IARS1: variants seen among roughly 807,000 people sequenced by gnomAD.
The protein encoded by IARS1 is isoleucine--tRNA ligase, cytoplasmic.
Under a neutral mutation model 168.2 loss-of-function variants are expected in IARS1, and 124 were observed. That is an observed-to-expected ratio of 0.74 (90% CI 0.64 to 0.86). The LOEUF (loss-of-function observed/expected upper bound fraction) is 0.86, where lower values mean the gene tolerates loss of function less well. Among genes scored for constraint, IARS1 ranks in the 40% least tolerant of loss-of-function variants. IARS1 has a pLI of 0.00. For missense variants in IARS1, 1,452 were observed against 1,515.8 expected, an observed-to-expected ratio of 0.96 and a Z score of 0.70; for synonymous variants, 532 against 529.4, an observed-to-expected ratio of 1.00 and a Z score of -0.07.
rs761970186 is a variant in IARS1, at chr9:92,229,128, TA to T, written c.3284-3del. ...GATTTTCCAGGAGCAATACTCCACC[TA>T]AAAAGCCACAAAAATAACACCTCAA... On this transcript the variant is annotated splice_polypyrimidine_tract_variant and splice_region_variant and intron_variant, in intron 30 of 33. Transcript: ENST00000443024. 6.2e-7 allele frequency: 1 copy of T among 1,610,072 alleles called. No individual in the cohort carries two copies. Among genetic ancestry groups the T allele is most frequent in the African/African-American group, 1.3e-5 (1 of 74,622 alleles).
At chr9:92,283,319 C>T (rs1834934025) in intron 6 of IARS1, among the ~76,000 whole-genome samples, 1 of 152,146 alleles carries the variant, frequency 6.6e-6, no homozygotes, top group African/African-American at 2.4e-5. Flanking sequence ...GTTTCCCAAC[C>T]TCAGTATTAG....
chr9:92,245,151 T>C (rs1330687343), intron 26 of IARS1, 80 bp from the exon 27 acceptor site: 6 of 1,086,940 alleles, frequency 5.5e-6, no homozygotes, highest in Non-Finnish European at 8.5e-6. Flanking sequence ...ATGCCCCTTC[T>C]TGATTAAAAT....
chr9:92,289,149 G>A (rs1835915243), intron 2 of IARS1, 152 bp downstream of exon 2: 4 of 483,966 alleles, frequency 8.3e-6, no homozygotes, highest in Non-Finnish European at 1.1e-5. Context: ...AGAGGTAGCA[G>A]TGAGCAGAGA....
intron 7 of IARS1, among the ~76,000 whole-genome samples, chr9:92,279,388 G>A (rs775999517): frequency 3.3e-5 from 5 of 152,166 alleles, no homozygotes; most frequent in Non-Finnish European, 7.3e-5. Context: ...ACCACAGAAT[G>A]GCTAGTGACC....
At chr9:92,214,572 C>A (rs1281634346) in intron 33 of IARS1, among the ~76,000 whole-genome samples, 1 of 152,142 alleles carries the variant, frequency 6.6e-6, no homozygotes, top group Admixed American at 6.5e-5. Context: ...ACGCACCGTG[C>A]GCGAGCCGAA....
chr9:92,267,849 A>G (rs543682250), intron 14 of IARS1, among the ~76,000 whole-genome samples: 1 of 152,342 alleles, frequency 6.6e-6, no homozygotes, highest in Admixed American at 6.5e-5. Flanking sequence ...ATAAGCTAAT[A>G]GTATACCTTA....
At position 92,269,874 on chromosome 9, in the gene IARS1, T is replaced by G; in HGVS notation, c.1304+11A>C. 1 of 1,582,240 alleles carries G rather than the reference T, an allele frequency of 6.3e-7. No individual in the cohort carries two copies. Among genetic ancestry groups the G allele is most frequent in the Non-Finnish European group, 8.7e-7 (1 of 1,151,216 alleles). ...AAAAGACACTATGAAGAAACACATCTTACTGCTCACCAGTAGCACAGGTCA... is the reference window on the plus strand; with the variant it reads ...AAAAGACACTATGAAGAAACACATCGTACTGCTCACCAGTAGCACAGGTCA... On this transcript the variant is annotated intron_variant, in intron 13 of 33. Coordinates refer to ENST00000443024, the MANE Select transcript of IARS1 (RefSeq NM_002161.6).
chr9:92,269,857 CTA>C, intron 13 of IARS1, 26 bp downstream of exon 13: 2 of 1,469,108 alleles, frequency 1.4e-6, no homozygotes, highest in Non-Finnish European at 1.9e-6. Context: ...ACAAAAGACA[CTA>C]TGAAGAAACA....
At position 92,230,103 on chromosome 9, in the gene IARS1, ATTTCT is replaced by A. The variant is rs375878309; in HGVS notation, c.3284-982_3284-978del. ...TTGGGACTTTTTTTATTTGGCAACA[ATTTCT>A]TTTCTTTTCTTTTTTTTTTTGAGAT... is the stretch of plus-strand genomic sequence containing the variant. On this transcript the variant is annotated intron_variant, in intron 30 of 33. Transcript: ENST00000443024. 3.4e-3 allele frequency among the ~76,000 whole-genome samples: 521 copies of A among 151,382 alleles called. 4 individuals are homozygous for A. Among genetic ancestry groups the A allele is most frequent in the African/African-American group, 0.011 (443 of 41,252 alleles).
chr9:92,282,705 G>C (rs556045755), intron 6 of IARS1, among the ~76,000 whole-genome samples: 203 of 152,052 alleles, frequency 1.3e-3, no homozygotes, highest in Admixed American at 2.5e-3. Context: ...AGGAGGTCAA[G>C]GCTGCAGTGA....
chr9:92,289,312 T>C lies in IARS1; in HGVS notation c.108A>G (p.Lys36=). 3 of 1,459,332 alleles carry C rather than the reference T, an allele frequency of 2.1e-6. No individual in the cohort carries two copies. Among genetic ancestry groups the C allele is most frequent in the Non-Finnish European group, 2.9e-6 (3 of 1,045,588 alleles). 90.4% of individuals were successfully genotyped at this position (1,459,332 alleles called of 1,614,324 possible). A position where few individuals can be genotyped will look rare whatever the true frequency, so the allele number is the denominator to read the frequency against. ...AAAAATTCACATACTTTGGTTTATGTTTTGATTGCTTTAAGCATTCCTGAA... is the reference window on the plus strand; with the variant it reads ...AAAAATTCACATACTTTGGTTTATGCTTTGATTGCTTTAAGCATTCCTGAA... ...NCFQECLKQS[K]HKPKFTFYDG... The change falls in exon 2 of 34, where the codon AAA becomes AAG. Residue 36 remains lysine (K), a synonymous_variant. Coordinates refer to ENST00000443024, the MANE Select transcript of IARS1 (RefSeq NM_002161.6).
rs548290639 is a variant in IARS1, at chr9:92,277,111, CA to C, written c.894+751del. Among the ~76,000 whole-genome samples, 346 of 152,168 alleles carry C rather than the reference CA, an allele frequency of 2.3e-3. 2 individuals are homozygous for C. Among genetic ancestry groups the C allele is most frequent in the Non-Finnish European group, 3.8e-3 (257 of 68,000 alleles). Reference sequence around the variant, plus strand: ...CCCTGGGTGATATGTAGACTACATGCAATAAAAATATACACCTAAAAATCCA... The same window carrying C: ...CCCTGGGTGATATGTAGACTACATGCATAAAAATATACACCTAAAAATCCA... On this transcript the variant is annotated intron_variant, in intron 9 of 33. Transcript: ENST00000443024.
At chr9:92,236,282 CCTAT>C (rs903561326) in intron 30 of IARS1, among the ~76,000 whole-genome samples, 18 of 152,240 alleles carry the variant, frequency 1.2e-4, no homozygotes, top group Admixed American at 4.6e-4. Context: ...CCGTGCCCAG[CCTAT>C]CTTTTTTGTT....
At chr9:92,275,400 T>C (rs1167613226) in intron 9 of IARS1, among the ~76,000 whole-genome samples, 1 of 152,202 alleles carries the variant, frequency 6.6e-6, no homozygotes, top group Non-Finnish European at 1.5e-5. Context: ...TGGTTGCAAA[T>C]ACAATGTTAT....
chr9:92,285,628 A>G, intron 6 of IARS1, 94 bp downstream of exon 6: 2 of 746,574 alleles, frequency 2.7e-6, no homozygotes, highest in Non-Finnish European at 4.7e-6. Context: ...AACATTCCAC[A>G]CTGGGTCTAC....
At chr9:92,249,180 G>A (rs1306660654) in intron 25 of IARS1, among the ~76,000 whole-genome samples, 22 of 152,314 alleles carry the variant, frequency 1.4e-4, no homozygotes, top group South Asian at 2.1e-4. Flanking sequence ...CTATGCTATT[G>A]CTTCGACTTT....
chr9:92,238,834 T>C (rs574945871), intron 30 of IARS1, among the ~76,000 whole-genome samples: 8 of 152,338 alleles, frequency 5.3e-5, no homozygotes, highest in African/African-American at 1.9e-4. Context: ...CCTCGCTCCT[T>C]TGTAATTGTC....
chr9:92,287,976 A>T, intron 3 of IARS1, 66 bp from the exon 4 acceptor site: 1 of 1,587,878 alleles, frequency 6.3e-7, no homozygotes, highest in Non-Finnish European at 8.6e-7. Context: ...ATGCAACTCT[A>T]GAAAACAAAA....
intron 25 of IARS1, among the ~76,000 whole-genome samples, chr9:92,248,417 A>T (rs562634257): frequency 3.1e-4 from 47 of 152,138 alleles, no homozygotes; most frequent in Non-Finnish European, 4.1e-4. Context: ...GCAAACTTGT[A>T]ATCTTAGCAC....
Sources: allele counts gnomAD v4.1 joint callset (sites outside exome capture counted in the v4.1 genomes callset), GRCh38; gene constraint gnomAD v4.1.1; transcripts MANE v1.5; gene names NCBI Gene and HGNC (gene_info 2026-07-23, HGNC 2026-07-21).